The following GRIP2 variants were observed in gnomAD, a reference collection of about 807,000 sequenced individuals.
GRIP2 encodes glutamate receptor interacting protein 2.
In GRIP2, 58 loss-of-function variants were observed where a neutral mutation model predicts 108.3. The ratio of observed to expected loss-of-function variants is 0.54; its 90% CI spans 0.43 to 0.67. The LOEUF is 0.67. Ranked by LOEUF, GRIP2 falls within the 30% of genes least tolerant of loss-of-function variation. GRIP2 has a pLI of 0.00. For synonymous variants in GRIP2, 586 were observed against 598.2 expected (o/e 0.98, Z 0.30); for missense variants, 1,278 against 1,430.6 (o/e 0.89, Z 1.72).
rs1461597575 is a variant in GRIP2, at chr3:14,529,301, AAG to A, written c.41-3372_41-3371del. ...CTCAAAAAAAAAAAAAAAAAAAAAA[AAG>A]GAAAAACACTTGTATAATGAATTGG... On this transcript the variant is annotated intron_variant, in intron 1 of 23. Coordinates refer to ENST00000621039, the MANE Select transcript of GRIP2 (RefSeq NM_001080423.4). Among the ~76,000 whole-genome samples, 824 of 125,808 alleles carry A rather than the reference AAG, an allele frequency of 6.5e-3. 13 individuals carry two copies. The highest frequency in any genetic ancestry group is 0.022 in the African/African-American group (744 of 33,874). The allele number at this position is 125,808 out of a possible 152,430, so 82.5% of individuals were successfully genotyped here.
In GRIP2 at chr3:14,490,645, G is replaced by A. The variant is rs992045638; in HGVS notation, c.*3020C>T. ...TTGCTCCCCCTACCCAAGCCTTCAC[G>A]ACTGATTCCTGCTACCTCCAACCTA... On this transcript the variant is annotated 3_prime_UTR_variant, in exon 24 of 24. Coordinates refer to ENST00000621039, the MANE Select transcript of GRIP2 (RefSeq NM_001080423.4). The A allele has an allele frequency of 2.5e-4, 38 of 152,306 alleles. No individual in the cohort carries two copies. Among genetic ancestry groups the A allele is most frequent in the African/African-American group, 8.0e-4 (33 of 41,462 alleles). The allele number at this position is 152,306 out of a possible 1,614,324, so 9.4% of individuals were successfully genotyped here. A position where few individuals can be genotyped will look rare whatever the true frequency, so the allele number is the denominator to read the frequency against.
At chr3:14,552,013 C>T (rs1406405310) in intron 1 of GRIP2, among the ~76,000 whole-genome samples, 1 of 152,044 alleles carries the variant, frequency 6.6e-6, no homozygotes. Flanking sequence ...TCCAGGCTGC[C>T]GGGATTCTGC....
chr3:14,521,887 A>T lies in GRIP2; in HGVS notation c.567-100T>A. On this transcript the variant is annotated intron_variant, in intron 6 of 23. Coordinates refer to ENST00000621039, the MANE Select transcript of GRIP2 (RefSeq NM_001080423.4). This position sits in a 1 kb window ranked among gnomAD's most constrained non-coding sequence, Gnocchi z 5.1. ...AGCGGGACATGGAGGATGAAGAAGC[A>T]GGGAATGGGTGGGGGAGGAAGGGGA... The T allele has an allele frequency of 2.1e-4, 154 of 737,522 alleles. No individual in the cohort carries two copies. The highest frequency in any genetic ancestry group is 4.6e-4 in the East Asian group (8 of 17,530). 45.7% of individuals were successfully genotyped at this position (737,522 alleles called of 1,614,324 possible).
intron 10 of GRIP2, 98 bp from the exon 11 acceptor site, chr3:14,517,311 G>A: frequency 8.0e-7 from 1 of 1,250,374 alleles, no homozygotes; most frequent in Non-Finnish European, 1.1e-6. Flanking sequence ...AGGGAGAGAT[G>A]GGGATGCCTT....
intron 23 of GRIP2, among the ~76,000 whole-genome samples, chr3:14,494,202 G>C (rs1446628951): frequency 6.6e-6 from 1 of 152,214 alleles, no homozygotes; most frequent in African/African-American, 2.4e-5. Flanking sequence ...TTCAAAGCAA[G>C]GGGTGCAAGA....
At chr3:14,530,596 T>A (rs1476779139) in intron 1 of GRIP2, among the ~76,000 whole-genome samples, 1 of 152,222 alleles carries the variant, frequency 6.6e-6, no homozygotes, top group Non-Finnish European at 1.5e-5. Context: ...TTAAATGTAT[T>A]CCTAGGCATT....
At chr3:14,596,845 A>C in the GRIP2 span, among the ~76,000 whole-genome samples, 1 of 152,006 alleles carries the variant, frequency 6.6e-6, no homozygotes, top group Non-Finnish European at 1.5e-5. Flanking sequence ...GGCCCAAGTA[A>C]TCCTCTTTCC....
chr3:14,572,469 G>A, the GRIP2 span, among the ~76,000 whole-genome samples: 19 of 151,260 alleles, frequency 1.3e-4, no homozygotes, highest in East Asian at 3.9e-4. Context: ...AAAATTAGCC[G>A]GGCGTGGTGG....
At chr3:14,546,125 G>T (rs770361420), upstream of GRIP2, among the ~76,000 whole-genome samples, 3 of 152,144 alleles carry the variant, frequency 2.0e-5, no homozygotes, top group Admixed American at 6.5e-5. Context: ...CACCCCGTAG[G>T]GACCTGTGGG....
At chr3:14,525,315 G>T (rs1479292127) in intron 3 of GRIP2, 122 bp downstream of exon 3, 2 of 1,196,976 alleles carry the variant, frequency 1.7e-6, no homozygotes, top group Non-Finnish European at 2.3e-6. Context: ...GTTGATGGGT[G>T]CTCCTGGAAA....
the GRIP2 span, among the ~76,000 whole-genome samples, chr3:14,602,907 C>T: frequency 1.3e-5 from 2 of 150,588 alleles, no homozygotes; most frequent in Non-Finnish European, 3.0e-5. The surrounding 1 kb of genome is among the most constrained non-coding windows in gnomAD (Gnocchi z 4.7). Flanking sequence ...GCTCACCGGC[C>T]GGGCAGCGGC....
Position 14,508,535 on chromosome 3 carries a change from C to A in GRIP2, c.2079-835G>T, listed in dbSNP as rs372607904. Among the ~76,000 whole-genome samples, 48 of 152,264 alleles carry A rather than the reference C, an allele frequency of 3.2e-4. 1 individual carries two copies. The East Asian group carries it at 8.5e-3, about 27-fold the overall frequency. ...CTGTAGATGTCACCCCATATGGGAG[C>A]TCCTGGAGAGTCATGCTTGGGCATT... On this transcript the variant is annotated intron_variant, in intron 17 of 23. Transcript: ENST00000621039.
chr3:14,552,671 C>A (rs1695170551), intron 1 of GRIP2, among the ~76,000 whole-genome samples: 1 of 149,286 alleles, frequency 6.7e-6, no homozygotes, highest in South Asian at 2.1e-4. Flanking sequence ...TGGCTCACTG[C>A]AACCACCGCC....
chr3:14,587,639 CAAA>C, the GRIP2 span, among the ~76,000 whole-genome samples: 47 of 124,370 alleles, frequency 3.8e-4, no homozygotes, highest in Admixed American at 5.0e-4. Flanking sequence ...ATGCCATCTC[CAAA>C]AAAAAAAAAA....
chr3:14,539,571 G>T (rs1293009591), intron 1 of GRIP2, among the ~76,000 whole-genome samples: 2 of 152,204 alleles, frequency 1.3e-5, no homozygotes, highest in African/African-American at 2.4e-5. Context: ...AACCAGTGAG[G>T]CAACCCCAGG....
the GRIP2 span, among the ~76,000 whole-genome samples, chr3:14,572,418 C>T: frequency 6.6e-6 from 1 of 151,288 alleles, no homozygotes; most frequent in Non-Finnish European, 1.5e-5. Context: ...CGAGACCATC[C>T]CGGCTAAAAC....
intron 1 of GRIP2, among the ~76,000 whole-genome samples, chr3:14,551,840 G>A (rs190256154): frequency 6.6e-6 from 1 of 152,316 alleles, no homozygotes; most frequent in Admixed American, 6.5e-5. Context: ...ACCTTGGAAA[G>A]TAACTTTGTC....
At chr3:14,506,347 T>C (rs1693926759) in intron 19 of GRIP2, among the ~76,000 whole-genome samples, 1 of 152,216 alleles carries the variant, frequency 6.6e-6, no homozygotes. Context: ...GGTCTCAACA[T>C]GCATTGGCCT....
At chr3:14,532,932 G>A (rs961910224) in intron 1 of GRIP2, among the ~76,000 whole-genome samples, 5 of 152,246 alleles carry the variant, frequency 3.3e-5, no homozygotes, top group Non-Finnish European at 7.3e-5. Flanking sequence ...TGTAACCATT[G>A]AGAAAGGTCC....
Sources: allele counts gnomAD v4.1 joint callset (sites outside exome capture counted in the v4.1 genomes callset), GRCh38; gene constraint gnomAD v4.1.1; non-coding constraint Gnocchi (gnomAD v3.1); transcripts MANE v1.5; gene names NCBI Gene and HGNC (gene_info 2026-07-23, HGNC 2026-07-21).